Variants in EPB41L4A observed in about 807,000 individuals in gnomAD.
EPB41L4A encodes the protein erythrocyte membrane protein band 4.1 like 4A.
In EPB41L4A, 100 loss-of-function variants were observed where a neutral mutation model predicts 108.6. The observed-to-expected ratio is 0.92, with a 90% CI of 0.78 to 1.09. The LOEUF (loss-of-function observed/expected upper bound fraction) is 1.09. Ranked by LOEUF, EPB41L4A falls within the 50% of genes least tolerant of loss-of-function variation. The pLI is 0.00. For missense variants in EPB41L4A, 1,030 were observed against 842.7 expected, an observed-to-expected ratio of 1.22 and a Z score of -2.75; for synonymous variants, 319 against 289.0, an observed-to-expected ratio of 1.10 and a Z score of -1.05.
chr5:112,419,649 C>T (rs775918755), upstream of EPB41L4A: 29 of 456,362 alleles, frequency 6.4e-5, no homozygotes, highest in Admixed American at 4.2e-4. Flanking sequence ...ACGCCCCGAC[C>T]ATGGGCGCAG....
intron 1 of EPB41L4A, among the ~76,000 whole-genome samples, chr5:112,326,374 C>G (rs1036171034): frequency 4.6e-5 from 7 of 152,208 alleles, no homozygotes; most frequent in African/African-American, 1.2e-4. Context: ...TTCACCAGAG[C>G]CTTTTTGTCA....
chr5:112,187,321 G>A (rs1055799259), intron 17 of EPB41L4A, among the ~76,000 whole-genome samples: 3 of 152,158 alleles, frequency 2.0e-5, no homozygotes, highest in Admixed American at 2.0e-4. Flanking sequence ...TGTAACTATG[G>A]AGGGTCAACA....
At chr5:112,221,605 G>A (rs147765676) in intron 12 of EPB41L4A, among the ~76,000 whole-genome samples, 98 of 152,270 alleles carry the variant, frequency 6.4e-4, no homozygotes, top group African/African-American at 2.1e-3. Flanking sequence ...AATAACTGAC[G>A]GCTGTGTTAT....
intron 1 of EPB41L4A, among the ~76,000 whole-genome samples, chr5:112,341,285 G>A (rs978912761): frequency 6.6e-6 from 1 of 152,108 alleles, no homozygotes; most frequent in African/African-American, 2.4e-5. Flanking sequence ...ACATATAACT[G>A]TGTTTGATTA....
intron 12 of EPB41L4A, among the ~76,000 whole-genome samples, chr5:112,220,434 C>G (rs1275768209): frequency 6.6e-6 from 1 of 152,156 alleles, no homozygotes; most frequent in African/African-American, 2.4e-5. Context: ...AGCAGTCTAA[C>G]AGATTCCAGA....
At chr5:112,318,002 T>C (rs17134350) in intron 1 of EPB41L4A, among the ~76,000 whole-genome samples, 10,630 of 152,176 alleles carry the variant, frequency 0.07, 449 homozygotes, top group Middle Eastern at 0.092. Flanking sequence ...CTTGATGACA[T>C]AGATTGCAAA....
intron 13 of EPB41L4A, among the ~76,000 whole-genome samples, chr5:112,206,600 G>A (rs1762484679): frequency 6.6e-6 from 1 of 152,180 alleles, no homozygotes; most frequent in Non-Finnish European, 1.5e-5. Flanking sequence ...ATAGTAGAAA[G>A]TGTATGGGAT....
At chr5:112,229,185 A>G (rs917571766) in intron 12 of EPB41L4A, among the ~76,000 whole-genome samples, 1 of 152,204 alleles carries the variant, frequency 6.6e-6, no homozygotes, top group African/African-American at 2.4e-5. Flanking sequence ...ACGACTTTTT[A>G]AAAAATTATA....
At chr5:112,394,710 T>G (rs1320413136) in intron 1 of EPB41L4A, among the ~76,000 whole-genome samples, 2 of 152,184 alleles carry the variant, frequency 1.3e-5, no homozygotes, top group Non-Finnish European at 2.9e-5. Flanking sequence ...AAGCTACCAA[T>G]GACTTTCTTC....
rs1402353461 is a variant in EPB41L4A, at chr5:112,239,650, T to C, written c.965+10A>G. On this transcript the variant is annotated intron_variant, in intron 11 of 22. Coordinates refer to ENST00000261486, the MANE Select transcript of EPB41L4A (RefSeq NM_022140.5). ...AAACACATCCCCCCAAGGAAAAAAA[T>C]GTCATTTACCTGTAGCGGTGCTTAT... 4.5e-6 allele frequency: 7 copies of C among 1,566,690 alleles called. No individual in the cohort carries two copies. Among genetic ancestry groups the C allele is most frequent in the East Asian group, 4.7e-5 (2 of 42,894 alleles).
intron 1 of EPB41L4A, among the ~76,000 whole-genome samples, chr5:112,401,622 T>A: frequency 6.6e-6 from 1 of 152,212 alleles, no homozygotes; most frequent in East Asian, 1.9e-4. Context: ...TATAAAAAAT[T>A]ATAGCTATTT....
rs942215894 is a variant in EPB41L4A at position 112,315,222 on chromosome 5, T to C, written c.100-7732A>G. The stretch of plus-strand genomic sequence containing the variant: ...AATCTCATTATGACCTCTCCCTCCA[T>C]TGAACCTACCAAGTTTCTTATTTTT... On this transcript the variant is annotated intron_variant, in intron 1 of 22. Coordinates refer to ENST00000261486, the MANE Select transcript of EPB41L4A (RefSeq NM_022140.5). Among the ~76,000 whole-genome samples the C allele has an allele frequency of 5.9e-5, 9 of 152,354 alleles. No homozygotes were observed. The South Asian group carries it at 8.3e-4, about 14-fold the overall frequency.
chr5:112,315,666 G>A lies in EPB41L4A; in HGVS notation c.100-8176C>T, dbSNP rs1755384092. On this transcript the variant is annotated intron_variant, in intron 1 of 22. Transcript: ENST00000261486. ...CAATATATTCTAAAGGTAGCATAAG[G>A]AATAAATATCTTATATTTAAAATGG... Among the ~76,000 whole-genome samples the A allele has an allele frequency of 3.9e-5, 6 of 152,104 alleles. No homozygotes were observed. In the South Asian group the frequency reaches 1.2e-3, roughly 32 times the overall value.
At chr5:112,344,931 A>G (rs1045439707) in intron 1 of EPB41L4A, among the ~76,000 whole-genome samples, 2 of 152,250 alleles carry the variant, frequency 1.3e-5, no homozygotes, top group Admixed American at 6.5e-5. Context: ...ACTGTGACAA[A>G]CAACTATAAA....
intron 2 of EPB41L4A, among the ~76,000 whole-genome samples, chr5:112,303,893 G>T (rs887443515): frequency 6.6e-6 from 1 of 152,098 alleles, no homozygotes; most frequent in Non-Finnish European, 1.5e-5. Context: ...GAGGGGAACG[G>T]GAGGTTCTAA....
chr5:112,384,688 A>AAAGG (rs780764378), intron 1 of EPB41L4A, among the ~76,000 whole-genome samples: 11 of 151,740 alleles, frequency 7.2e-5, no homozygotes, highest in Admixed American at 2.0e-4. Context: ...TTTGAGGAAG[A>AAAGG]AAGGAAGGAA....
At chr5:112,236,164 T>A (rs1252924168) in intron 11 of EPB41L4A, among the ~76,000 whole-genome samples, 1 of 152,136 alleles carries the variant, frequency 6.6e-6, no homozygotes, top group Non-Finnish European at 1.5e-5. Context: ...ATTATTCAAA[T>A]TTTTCTCATG....
At chr5:112,152,880 T>TA (rs202097494) in intron 12 of EPB41L4A, among the ~76,000 whole-genome samples, 7,745 of 152,264 alleles carry the variant, frequency 0.051, 673 homozygotes, top group African/African-American at 0.18. Context: ...TCTAGGAAGA[T>TA]ATATCAATTG....
intron 1 of EPB41L4A, among the ~76,000 whole-genome samples, chr5:112,381,175 C>G (rs988653647): frequency 1.3e-5 from 2 of 152,126 alleles, no homozygotes; most frequent in Non-Finnish European, 2.9e-5. Flanking sequence ...AGGTAGTTTC[C>G]TCAGATATAC....
Sources: allele counts gnomAD v4.1 joint callset (sites outside exome capture counted in the v4.1 genomes callset), GRCh38; gene constraint gnomAD v4.1.1; transcripts MANE v1.5; gene names NCBI Gene and HGNC (gene_info 2026-07-23, HGNC 2026-07-21).